The following SLC25A24 variants were observed in gnomAD, a reference collection of about 807,000 sequenced individuals.
The protein encoded by SLC25A24 is mitochondrial adenyl nucleotide antiporter SLC25A24.
SLC25A24 carries 49 observed loss-of-function variants against 60.7 expected under a neutral mutation model. The observed-to-expected ratio is 0.81, with a 90% CI of 0.64 to 1.02. The LOEUF (loss-of-function observed/expected upper bound fraction) is 1.02, where lower values mean the gene tolerates loss of function less well. Among genes scored for constraint, SLC25A24 ranks in the 50% least tolerant of loss-of-function variants. The pLI is 0.00. For missense variants in SLC25A24, 564 were observed against 586.3 expected (o/e 0.96, Z 0.39); for synonymous variants, 202 against 200.6 (o/e 1.01, Z -0.06).
chr1:108,200,072 G>A lies in SLC25A24; in HGVS notation c.67C>T (p.Arg23Cys). ...AACQDAEQPT[R>C]YETLFQALDR... Reference sequence around the variant, plus strand: ...AGTGCCTGGAAGAGGGTCTCGTAGCGCGTCGGCTGCTCCGCGTCCTGGCAG... The same window carrying A: ...AGTGCCTGGAAGAGGGTCTCGTAGCACGTCGGCTGCTCCGCGTCCTGGCAG... The change falls in exon 1 of 10, where the codon CGC (arginine) becomes TGC (cysteine). Residue 23 changes from arginine (R) to cysteine (C), a missense_variant. Arg to Cys is a radical substitution (Grantham distance 180). Transcript: ENST00000565488. 1 of 1,590,792 alleles carries A rather than the reference G, an allele frequency of 6.3e-7. No homozygotes were observed. Among genetic ancestry groups the A allele is most frequent in the Non-Finnish European group, 8.6e-7 (1 of 1,169,322 alleles).
At chr1:108,152,925 A>G (rs754902490) in intron 6 of SLC25A24, among the ~76,000 whole-genome samples, 3 of 152,208 alleles carry the variant, frequency 2.0e-5, no homozygotes, top group Non-Finnish European at 4.4e-5. Flanking sequence ...ATTTCCCACC[A>G]TATGACATAT....
chr1:108,166,123 C>G (rs1240430746), intron 3 of SLC25A24, among the ~76,000 whole-genome samples: 1 of 152,148 alleles, frequency 6.6e-6, no homozygotes, highest in African/African-American at 2.4e-5. Context: ...ATATTGGCCC[C>G]CACTCTCTTC....
rs781551522 is a variant in SLC25A24 at position 108,145,365 on chromosome 1, C to T, written c.931-1655G>A. Among the ~76,000 whole-genome samples, 4 of 152,008 alleles carry T rather than the reference C, an allele frequency of 2.6e-5. No homozygotes were observed. In the South Asian group the frequency reaches 6.2e-4, roughly 24 times the overall value. On this transcript the variant is annotated intron_variant, in intron 7 of 9. Transcript: ENST00000565488. ...ATTTTTCTCCCATTCTGTAGGTTGC[C>T]GGTTCACTCTGATGATAGTTTCTTT...
chr1:108,195,549 A>G (rs1648468901), intron 1 of SLC25A24, among the ~76,000 whole-genome samples: 2 of 152,386 alleles, frequency 1.3e-5, no homozygotes, highest in South Asian at 2.1e-4. Flanking sequence ...CAGATTTTAT[A>G]TATTTTAGAA....
At position 108,136,714 on chromosome 1, in the gene SLC25A24, A is replaced by G. The variant is rs1207693214; in HGVS notation, c.1373T>C (p.Val458Ala). 1.2e-6 allele frequency: 2 copies of G among 1,614,032 alleles called. No homozygotes were observed. Among genetic ancestry groups the G allele is most frequent in the Non-Finnish European group, 1.7e-6 (2 of 1,179,992 alleles). The change falls in exon 10 of 10, where the codon GTA (valine) becomes GCA (alanine). Residue 458 changes from valine to alanine, a missense_variant. Val to Ala is a moderately conservative substitution (Grantham distance 64). Coordinates refer to ENST00000565488, the MANE Select transcript of SLC25A24 (RefSeq NM_013386.5). ...TPNFMKVLPA[V>A]GISYVVYENM... is the part of the protein sequence containing the mutation. ...TTCATAAACCACATAACTGATGCCT[A>G]CAGCAGGGAGCACCTTCATGAAGTT...
chr1:108,152,791 C>T (rs1679790531), intron 6 of SLC25A24, among the ~76,000 whole-genome samples: 1 of 152,168 alleles, frequency 6.6e-6, no homozygotes, highest in Admixed American at 6.5e-5. Context: ...TAAGGAAGCT[C>T]ACAGTCTCAC....
At chr1:108,188,556 T>C (rs898982736) in intron 1 of SLC25A24, among the ~76,000 whole-genome samples, 10 of 152,234 alleles carry the variant, frequency 6.6e-5, no homozygotes, top group African/African-American at 2.4e-4. Context: ...GAGGTTTATA[T>C]TTTGGCCAAT....
At chr1:108,179,724 G>A (rs771946882) in intron 3 of SLC25A24, among the ~76,000 whole-genome samples, 4 of 152,216 alleles carry the variant, frequency 2.6e-5, no homozygotes, top group African/African-American at 4.8e-5. Flanking sequence ...TTTGGGAGTC[G>A]GGTATGGTTT....
At chr1:108,166,787 A>G (rs531679128) in intron 3 of SLC25A24, among the ~76,000 whole-genome samples, 1 of 152,222 alleles carries the variant, frequency 6.6e-6, no homozygotes, top group South Asian at 2.1e-4. Flanking sequence ...GCCTTCTCTC[A>G]GCTCGTCAGA....
rs1403985266 is a variant in SLC25A24, at chr1:108,136,744, G to A, written c.1343C>T (p.Thr448Ile). The A allele has an allele frequency of 3.1e-6, 5 of 1,613,930 alleles. No individual in the cohort carries two copies. The highest frequency in any genetic ancestry group is 1.1e-5 in the South Asian group (1 of 91,088). The change falls in exon 10 of 10, where the codon ACC (threonine) becomes ATC (isoleucine). Residue 448 changes from threonine to isoleucine, a missense_variant. Coordinates refer to ENST00000565488, the MANE Select transcript of SLC25A24 (RefSeq NM_013386.5). ...EGIPGLYRGITPNFMKVLPAV... is the reference protein window; with the variant it reads ...EGIPGLYRGIIPNFMKVLPAV... Reference sequence around the variant, plus strand: ...AGGGAGCACCTTCATGAAGTTTGGGGTGATGCCTCTGTAAAGTCCTGGTAT... The same window carrying A: ...AGGGAGCACCTTCATGAAGTTTGGGATGATGCCTCTGTAAAGTCCTGGTAT...
intron 3 of SLC25A24, among the ~76,000 whole-genome samples, chr1:108,179,065 A>C (rs1476610802): frequency 2.0e-5 from 3 of 151,948 alleles, no homozygotes; most frequent in African/African-American, 7.2e-5. Flanking sequence ...ACCTCAAATA[A>C]ACAACCAAAA....
chr1:108,146,955 T>C (rs968621105), intron 7 of SLC25A24, among the ~76,000 whole-genome samples: 5 of 152,242 alleles, frequency 3.3e-5, no homozygotes, highest in African/African-American at 1.2e-4. Flanking sequence ...GGAATCTCTC[T>C]TTTTCTATTG....
Position 108,192,529 on chromosome 1 carries a change from A to G in SLC25A24, c.184-6575T>C, listed in dbSNP as rs1049056637. On this transcript the variant is annotated intron_variant, in intron 1 of 9. Transcript: ENST00000565488. ...CCTCTAGAGATTGAATGGCCCCTAC[A>G]TCCTCCAGGCCTTCCTGAAGCTCAA... The G allele has an allele frequency of 6.0e-6, 9 of 1,498,034 alleles. 2 individuals are homozygous for G. In the Middle Eastern group the frequency reaches 8.4e-4, roughly 140 times the overall value. The allele number at this position is 1,498,034 out of a possible 1,614,324, so 92.8% of individuals were successfully genotyped here.
intron 1 of SLC25A24, among the ~76,000 whole-genome samples, chr1:108,190,766 G>A (rs549607853): frequency 2.1e-5 from 2 of 94,030 alleles, no homozygotes; most frequent in Non-Finnish European, 4.9e-5. Context: ...GGAGACGTGT[G>A]GGAAGAGACC....
intron 3 of SLC25A24, among the ~76,000 whole-genome samples, chr1:108,161,820 A>C (rs1245440863): frequency 6.6e-6 from 1 of 151,920 alleles, no homozygotes; most frequent in Non-Finnish European, 1.5e-5. Flanking sequence ...ATTATACTTT[A>C]AGTTTTAGGG....
At chr1:108,178,552 C>T (rs931066265) in intron 3 of SLC25A24, among the ~76,000 whole-genome samples, 1 of 152,140 alleles carries the variant, frequency 6.6e-6, no homozygotes, top group Non-Finnish European at 1.5e-5. Flanking sequence ...CGGTGGCTCA[C>T]GCCTGTAATC....
At chr1:108,174,460 C>T (rs971433682) in intron 3 of SLC25A24, among the ~76,000 whole-genome samples, 13 of 152,216 alleles carry the variant, frequency 8.5e-5, no homozygotes, top group African/African-American at 2.7e-4. Flanking sequence ...GATGTCCAGA[C>T]AGAAGTTTGC....
intron 6 of SLC25A24, 52 bp from the exon 7 acceptor site, chr1:108,148,438 G>T (rs1267987613): frequency 8.2e-6 from 8 of 980,234 alleles, no homozygotes; most frequent in Non-Finnish European, 1.3e-5. Context: ...GGACTGAGCT[G>T]CACCCCCACC....
rs545380348 is a variant in SLC25A24, at chr1:108,162,539, G to A, written c.399-1246C>T. Among the ~76,000 whole-genome samples, 798 of 149,886 alleles carry A rather than the reference G, an allele frequency of 5.3e-3. 5 individuals are homozygous for A. Among genetic ancestry groups the A allele is most frequent in the African/African-American group, 0.019 (784 of 40,756 alleles). On this transcript the variant is annotated intron_variant, in intron 3 of 9. Coordinates refer to ENST00000565488, the MANE Select transcript of SLC25A24 (RefSeq NM_013386.5). ...TGGTTTTGATTTGCATTTCTCTGAT[G>A]GCCAGTGATGGTGAGCATTTTTTCA...
Sources: gnomAD v4.1 joint callset for allele counts (sites outside exome capture counted in the v4.1 genomes callset) on GRCh38, gnomAD v4.1.1 for gene constraint, MANE v1.5 for transcripts, NCBI Gene and HGNC (gene_info 2026-07-23, HGNC 2026-07-21) for gene names.